Variants in DPP6 observed in about 807,000 individuals in gnomAD.
The protein encoded by DPP6 is A-type potassium channel modulatory protein DPP6.
In DPP6, 69 loss-of-function variants were observed where a neutral mutation model predicts 122.6. The observed-to-expected ratio is 0.56, with a 90% CI of 0.46 to 0.69. DPP6 has a LOEUF of 0.69. Ranked by LOEUF, DPP6 falls within the 30% of genes least tolerant of loss-of-function variation. The pLI is 0.00. For missense variants in DPP6, 928 were observed against 1,116.9 expected (o/e 0.83, Z 2.41); for synonymous variants, 418 against 433.1 (o/e 0.97, Z 0.43).
At chr7:154,348,445 C>A (rs1373507674) in intron 1 of DPP6, among the ~76,000 whole-genome samples, 1 of 152,166 alleles carries the variant, frequency 6.6e-6, no homozygotes, top group Non-Finnish European at 1.5e-5. Context: ...TTTCCAATAT[C>A]ATTTTTTATT....
At chr7:154,635,227 A>G (rs1024165179) in intron 5 of DPP6, among the ~76,000 whole-genome samples, 1 of 152,182 alleles carries the variant, frequency 6.6e-6, no homozygotes, top group African/African-American at 2.4e-5. Flanking sequence ...CATGGTAAGG[A>G]GCTGTCAGAG....
At chr7:154,156,827 G>A (rs1274058457) in intron 1 of DPP6, among the ~76,000 whole-genome samples, 2 of 151,928 alleles carry the variant, frequency 1.3e-5, no homozygotes, top group Admixed American at 1.3e-4. Context: ...GAAGAATTGT[G>A]TCTATATTAA....
At chr7:154,307,089 G>A (rs955549750) in intron 1 of DPP6, among the ~76,000 whole-genome samples, 4 of 152,200 alleles carry the variant, frequency 2.6e-5, no homozygotes, top group South Asian at 2.1e-4. Flanking sequence ...CTGTTCATAG[G>A]TCTACACCCG....
chr7:154,508,751 T>A (rs545742712), intron 3 of DPP6, among the ~76,000 whole-genome samples: 1 of 152,302 alleles, frequency 6.6e-6, no homozygotes, highest in African/African-American at 2.4e-5. Flanking sequence ...AAGGCACTAA[T>A]TAGACTTTCC....
chr7:154,313,714 T>TATATATATATATATGCATACAC (rs1177234778), intron 1 of DPP6, among the ~76,000 whole-genome samples: 1 of 17,786 alleles, frequency 5.6e-5, no homozygotes, highest in Non-Finnish European at 1.2e-4. Flanking sequence ...TATATATATA[T>TATATATATATATATGCATACAC]ACACACACAC....
chr7:153,841,877 T>A, the DPP6 span, among the ~76,000 whole-genome samples: 1 of 152,212 alleles, frequency 6.6e-6, no homozygotes, highest in Non-Finnish European at 1.5e-5. Flanking sequence ...TTTCTATGCG[T>A]TATATTCGTT....
chr7:154,530,536 C>T (rs985714870), intron 3 of DPP6, among the ~76,000 whole-genome samples: 5 of 152,012 alleles, frequency 3.3e-5, no homozygotes, highest in Non-Finnish European at 7.4e-5. Context: ...CACTTTTACA[C>T]CTTGGTGGGA....
intron 1 of DPP6, among the ~76,000 whole-genome samples, chr7:154,113,412 TACAC>T (rs60229672): frequency 5.1e-4 from 73 of 141,894 alleles, no homozygotes; most frequent in Admixed American, 1.4e-3. Flanking sequence ...TATATATATA[TACAC>T]ACACACACAC....
At position 154,657,888 on chromosome 7, in the gene DPP6, A is replaced by C. The variant is rs147817892; in HGVS notation, c.681-11472A>C. Among the ~76,000 whole-genome samples, 245 of 152,312 alleles carry C rather than the reference A, an allele frequency of 1.6e-3. 5 individuals are homozygous for C. The East Asian group carries it at 0.043, about 27-fold the overall frequency. The stretch of plus-strand genomic sequence containing the variant: ...ATAAAAGTCTCTCCTCCATGGAAAA[A>C]CTTGGAGCCAAAAGCGCACATTCCT... On this transcript the variant is annotated intron_variant, in intron 6 of 25. Coordinates refer to ENST00000377770, the MANE Select transcript of DPP6 (RefSeq NM_130797.4).
chr7:154,170,045 C>T (rs1797455741), intron 1 of DPP6, among the ~76,000 whole-genome samples: 1 of 152,136 alleles, frequency 6.6e-6, no homozygotes, highest in South Asian at 2.1e-4. Flanking sequence ...ATCAGAGTTA[C>T]AGTGGGAGAT....
intron 1 of DPP6, chr7:154,057,596 T>C (rs887258853): frequency 6.6e-6 from 1 of 150,676 alleles, no homozygotes; most frequent in African/African-American, 2.5e-5. Flanking sequence ...AGAAGGCAGG[T>C]GAGAGAATTC....
intron 1 of DPP6, among the ~76,000 whole-genome samples, chr7:153,908,350 A>C (rs1056210173): frequency 6.6e-6 from 1 of 152,196 alleles, no homozygotes; most frequent in African/African-American, 2.4e-5. Context: ...GGTCCTTTTA[A>C]ATGGAAAAAT....
intron 23 of DPP6, 125 bp from the exon 24 acceptor site, chr7:154,889,147 G>C (rs1038144308): frequency 1.4e-6 from 2 of 1,423,910 alleles, no homozygotes; most frequent in Non-Finnish European, 1.9e-6. Context: ...AAGGCATCCC[G>C]GTTCTCCGGG....
the DPP6 span, among the ~76,000 whole-genome samples, chr7:153,790,019 A>AT: frequency 1.3e-5 from 2 of 151,998 alleles, no homozygotes; most frequent in African/African-American, 2.4e-5. Flanking sequence ...TGAATAAATA[A>AT]TTTAAGTAAC....
the DPP6 span, among the ~76,000 whole-genome samples, chr7:153,862,224 A>AT: frequency 6.6e-6 from 1 of 152,134 alleles, no homozygotes; most frequent in Non-Finnish European, 1.5e-5. Context: ...AGGAAATGAG[A>AT]TTTTTAAAAT....
intron 1 of DPP6, among the ~76,000 whole-genome samples, chr7:153,990,680 C>A (rs1167651924): frequency 1.3e-5 from 2 of 151,898 alleles, no homozygotes; most frequent in Non-Finnish European, 1.5e-5. Flanking sequence ...TGGTGGCCTT[C>A]ATGGCAGTGG....
At chr7:153,951,419 G>A (rs996153476) in intron 1 of DPP6, among the ~76,000 whole-genome samples, 25 of 152,248 alleles carry the variant, frequency 1.6e-4, no homozygotes, top group African/African-American at 2.9e-4. Flanking sequence ...TGAGATACAC[G>A]TATGGGGGCA....
At chr7:154,223,926 C>A (rs1202423723) in intron 1 of DPP6, among the ~76,000 whole-genome samples, 2 of 148,680 alleles carry the variant, frequency 1.3e-5, no homozygotes, top group Non-Finnish European at 2.9e-5. Context: ...TGACCATTCC[C>A]TGGGAAGACA....
intron 6 of DPP6, among the ~76,000 whole-genome samples, chr7:154,640,490 A>G (rs1836007823): frequency 6.6e-6 from 1 of 152,194 alleles, no homozygotes; most frequent in South Asian, 2.1e-4. Flanking sequence ...GCGTTGCTCA[A>G]CCTGCTCAAT....
Sources: gnomAD v4.1 joint callset for allele counts (sites outside exome capture counted in the v4.1 genomes callset) on GRCh38, gnomAD v4.1.1 for gene constraint, MANE v1.5 for transcripts, NCBI Gene and HGNC (gene_info 2026-07-23, HGNC 2026-07-21) for gene names.